Variants in SLC16A12 observed in about 807,000 individuals in gnomAD.
The protein encoded by SLC16A12 is monocarboxylate transporter 12.
SLC16A12 carries 17 observed loss-of-function variants against 42.4 expected under a neutral mutation model. The ratio of observed to expected loss-of-function variants is 0.40; its 90% CI spans 0.27 to 0.60. The LOEUF is 0.60. Ranked by LOEUF, SLC16A12 falls within the 20% of genes least tolerant of loss-of-function variation. The probability of loss-of-function intolerance (pLI) is 0.42; values close to 1 mark genes in which losing one functional copy is unlikely to be tolerated. For synonymous variants in SLC16A12, 224 were observed against 229.4 expected, an observed-to-expected ratio of 0.98 and a Z score of 0.21; for missense variants, 544 against 623.0, an observed-to-expected ratio of 0.87 and a Z score of 1.35.
intron 2 of SLC16A12, among the ~76,000 whole-genome samples, chr10:89,525,900 G>T (rs72816743): frequency 1.5e-3 from 222 of 152,248 alleles, no homozygotes; most frequent in Admixed American, 2.4e-3. Flanking sequence ...ATTTTTTAAG[G>T]TAAGAAACCG....
At position 89,462,391 on chromosome 10, in the gene SLC16A12, C is replaced by A; in HGVS notation, c.188G>T (p.Arg63Leu). 6.2e-7 allele frequency: 1 copy of A among 1,614,002 alleles called. No individual in the cohort carries two copies. The highest frequency in any genetic ancestry group is 2.2e-5 in the East Asian group (1 of 44,870). Residue 63 changes from arginine to leucine, a missense_variant, in exon 3 of 8, where the codon CGG (arginine) becomes CTG (leucine). Physicochemically the swap from Arg to Leu is moderately radical, Grantham distance 102 (BLOSUM62 -2). Transcript: ENST00000371790. ...AAATCCTACCTACCTTGTGACTGCC[C>A]GTGTGCAGATGGTAACAAGGAAACA... ...AGCFLVTICT[R>L]AVTRCISIFF...
chr10:89,439,740 G>A lies in SLC16A12; in HGVS notation c.449-557C>T, dbSNP rs143924098. On this transcript the variant is annotated intron_variant, in intron 5 of 7. Coordinates refer to ENST00000371790, the MANE Select transcript of SLC16A12 (RefSeq NM_213606.4). ...TATGTGAAAATATCTCTTAAGGTCA[G>A]CAGACAAATGTTGACACTTTAGAAA... Among the ~76,000 whole-genome samples the A allele has an allele frequency of 1.2e-3, 178 of 152,204 alleles. 1 individual carries two copies. The highest frequency in any genetic ancestry group is 2.0e-3 in the Non-Finnish European group (134 of 67,994).
At chr10:89,456,797 G>C (rs1842199561) in intron 3 of SLC16A12, among the ~76,000 whole-genome samples, 1 of 152,090 alleles carries the variant, frequency 6.6e-6, no homozygotes, top group Non-Finnish European at 1.5e-5. Flanking sequence ...TGAGAACACA[G>C]AGTGTTTGGT....
intron 2 of SLC16A12, among the ~76,000 whole-genome samples, chr10:89,531,243 A>G (rs1182634305): frequency 6.6e-6 from 1 of 151,604 alleles, no homozygotes. Flanking sequence ...AAAAAAAAGT[A>G]CAAAAATTAG....
chr10:89,468,997 G>A (rs1842451264), intron 2 of SLC16A12, among the ~76,000 whole-genome samples: 1 of 152,074 alleles, frequency 6.6e-6, no homozygotes, highest in African/African-American at 2.4e-5. Context: ...GAGTGTAGTG[G>A]TGCATGCCGT....
intron 2 of SLC16A12, among the ~76,000 whole-genome samples, chr10:89,548,865 C>T (rs977562203): frequency 1.3e-5 from 2 of 152,148 alleles, no homozygotes; most frequent in African/African-American, 4.8e-5. Context: ...GCAAGTGCCA[C>T]AGGAATTGCA....
chr10:89,501,554 G>T (rs1842991044), intron 2 of SLC16A12, among the ~76,000 whole-genome samples: 1 of 152,002 alleles, frequency 6.6e-6, no homozygotes, highest in African/African-American at 2.4e-5. Flanking sequence ...ACATAAAGTG[G>T]GGAAAGGTCA....
At chr10:89,528,257 A>G (rs141921606) in intron 2 of SLC16A12, among the ~76,000 whole-genome samples, 32 of 152,358 alleles carry the variant, frequency 2.1e-4, no homozygotes, top group African/African-American at 7.0e-4. Context: ...AAGTTTTCAG[A>G]GAAAGTTTGA....
At chr10:89,486,031 T>C (rs752777178) in intron 2 of SLC16A12, among the ~76,000 whole-genome samples, 21 of 152,172 alleles carry the variant, frequency 1.4e-4, no homozygotes, top group Non-Finnish European at 2.6e-4. Flanking sequence ...TTAGGTACAT[T>C]CAACAAGCAG....
At chr10:89,500,499 A>T (rs772563404) in intron 2 of SLC16A12, among the ~76,000 whole-genome samples, 15 of 152,226 alleles carry the variant, frequency 9.9e-5, no homozygotes, top group Non-Finnish European at 1.8e-4. Flanking sequence ...AACATATGCA[A>T]GCCAATAAAT....
At chr10:89,482,928 C>T (rs1040344273) in intron 2 of SLC16A12, among the ~76,000 whole-genome samples, 19 of 152,190 alleles carry the variant, frequency 1.2e-4, no homozygotes, top group Admixed American at 5.9e-4. Flanking sequence ...CTTAGCCGGG[C>T]TCCAGGTGTG....
intron 2 of SLC16A12, among the ~76,000 whole-genome samples, chr10:89,518,713 C>A (rs1843298786): frequency 6.6e-6 from 1 of 152,162 alleles, no homozygotes; most frequent in South Asian, 2.1e-4. Context: ...ACCTCCTGGG[C>A]CTCCATCTTC....
At chr10:89,555,338 A>G (rs1035341777) in intron 2 of SLC16A12, among the ~76,000 whole-genome samples, 8 of 151,642 alleles carry the variant, frequency 5.3e-5, no homozygotes, top group African/African-American at 1.9e-4. Context: ...GTTACCCAAT[A>G]GACAGGGATA....
chr10:89,513,780 A>T (rs916069528), intron 2 of SLC16A12, among the ~76,000 whole-genome samples: 1 of 152,216 alleles, frequency 6.6e-6, no homozygotes, highest in African/African-American at 2.4e-5. Flanking sequence ...ACCCCAAAGA[A>T]ACCATTTAAA....
rs145785884 is a variant in SLC16A12, at chr10:89,528,387, A to G, written c.-47+6114T>C. On this transcript the variant is annotated intron_variant, in intron 2 of 7. Transcript: ENST00000371790. Reference sequence around the variant, plus strand: ...AAAAGGCCAAATTATTGTCCTAAACAAAAATACCCATATGGTACCACAATC... The same window carrying G: ...AAAAGGCCAAATTATTGTCCTAAACGAAAATACCCATATGGTACCACAATC... Among the ~76,000 whole-genome samples the G allele has an allele frequency of 1.1e-4, 17 of 152,362 alleles. No individual in the cohort carries two copies. The East Asian group carries it at 3.3e-3, about 29-fold the overall frequency.
intron 2 of SLC16A12, among the ~76,000 whole-genome samples, chr10:89,504,366 A>G (rs920510710): frequency 2.0e-5 from 3 of 152,164 alleles, no homozygotes; most frequent in Non-Finnish European, 4.4e-5. Context: ...CTGGTTCATC[A>G]AGTTCTCTAA....
At chr10:89,476,081 T>C (rs533785700) in intron 2 of SLC16A12, among the ~76,000 whole-genome samples, 20 of 152,336 alleles carry the variant, frequency 1.3e-4, no homozygotes, top group Non-Finnish European at 2.2e-4. Context: ...TCAATACTTG[T>C]GTAGTTCCAT....
At position 89,433,204 on chromosome 10, in the gene SLC16A12, ACTGGGTTTTT is replaced by A. The variant is rs1564822115; in HGVS notation, c.1401_1410del (p.Arg467SerfsTer29). On this transcript the variant is annotated frameshift_variant, in exon 8 of 8. Coordinates refer to ENST00000371790, the MANE Select transcript of SLC16A12 (RefSeq NM_213606.4). LOFTEE classifies it high-confidence loss of function. The stretch of plus-strand genomic sequence containing the variant: ...TCAGATTCTTTGGCAATGAACTGCA[ACTGGGTTTTT>A]CTCATTCTCTTTATAAGTCTAGCAA... The A allele has an allele frequency of 6.2e-7, 1 of 1,614,216 alleles. No individual in the cohort carries two copies. Among genetic ancestry groups the A allele is most frequent in the East Asian group, 2.2e-5 (1 of 44,884 alleles).
At chr10:89,511,624 T>A (rs1843163897) in intron 2 of SLC16A12, among the ~76,000 whole-genome samples, 1 of 152,000 alleles carries the variant, frequency 6.6e-6, no homozygotes, top group Non-Finnish European at 1.5e-5. Context: ...GGAGAAATAC[T>A]TAATGTAAAT....
Sources: allele counts gnomAD v4.1 joint callset (sites outside exome capture counted in the v4.1 genomes callset), GRCh38; gene constraint gnomAD v4.1.1; transcripts MANE v1.5; gene names NCBI Gene and HGNC (gene_info 2026-07-23, HGNC 2026-07-21).